The following ERC1 variants were observed in gnomAD, a reference collection of about 807,000 sequenced individuals.
The protein encoded by ERC1 is ELKS/RAB6-interacting/CAST family member 1.
ERC1 carries 56 observed loss-of-function variants against 132.0 expected under a neutral mutation model. The observed-to-expected ratio is 0.42, with a 90% CI of 0.34 to 0.53. ERC1 has a LOEUF of 0.53. ERC1 is among the 20% of genes least tolerant of loss of function. The pLI, the probability that ERC1 is intolerant of heterozygous loss-of-function variation, is 0.03. For synonymous variants in ERC1, 478 were observed against 476.1 expected (o/e 1.00, Z -0.05); for missense variants, 1,202 against 1,349.9 (o/e 0.89, Z 1.72).
chr12:1,356,851 G>A lies in ERC1; in HGVS notation c.2781-14982G>A, dbSNP rs775989860. 6.6e-4 allele frequency among the ~76,000 whole-genome samples: 101 copies of A among 152,150 alleles called. 1 individual carries two copies. Among genetic ancestry groups the A allele is most frequent in the African/African-American group, 2.3e-3 (97 of 41,436 alleles). On this transcript the variant is annotated intron_variant, in intron 15 of 18. Coordinates refer to ENST00000360905, the MANE Select transcript of ERC1 (RefSeq NM_178040.4). ...AGGTGTCTCATTCCAAACCTGTGTA[G>A]GAGAAAAGGGACTCTTATAGTTTTT... is the stretch of plus-strand genomic sequence containing the variant.
chr12:1,242,378 T>A (rs1195862983), intron 13 of ERC1, among the ~76,000 whole-genome samples: 16 of 152,188 alleles, frequency 1.1e-4, no homozygotes, highest in Non-Finnish European at 1.5e-5. Context: ...TTCCTATTTA[T>A]GTTTATTATT....
chr12:1,015,431 T>C (rs2154141650), intron 1 of ERC1, among the ~76,000 whole-genome samples: 1 of 152,302 alleles, frequency 6.6e-6, no homozygotes, highest in South Asian at 2.1e-4. Flanking sequence ...GCATTGTCTT[T>C]TGTAGTTGAG....
rs544969984 is a variant in ERC1 at position 1,041,948 on chromosome 12, C to T, written c.669+13376C>T. The stretch of plus-strand genomic sequence containing the variant: ...ATTTTTAGTAGAGACGGGGTGTTGC[C>T]ATGGTGGCCAGGCTGGTCTCAATCT... On this transcript the variant is annotated intron_variant, in intron 2 of 18. Transcript: ENST00000360905. 1.2e-4 allele frequency among the ~76,000 whole-genome samples: 18 copies of T among 152,298 alleles called. No individual in the cohort carries two copies. The East Asian group carries it at 3.3e-3, about 28-fold the overall frequency.
chr12:1,483,840 A>G (rs1239871924), intron 18 of ERC1, among the ~76,000 whole-genome samples: 2 of 151,590 alleles, frequency 1.3e-5, no homozygotes, highest in Non-Finnish European at 2.9e-5. Flanking sequence ...ACAGGCACTC[A>G]CCACCACATG....
At chr12:1,381,007 G>C (rs1484987191) in intron 16 of ERC1, 2 of 152,238 alleles carry the variant, frequency 1.3e-5, no homozygotes, top group African/African-American at 4.8e-5. Flanking sequence ...GCCTCAGAGA[G>C]CATTTATGTA....
intron 12 of ERC1, among the ~76,000 whole-genome samples, chr12:1,225,366 A>G (rs183761911): frequency 1.9e-3 from 292 of 151,696 alleles, no homozygotes; most frequent in Middle Eastern, 6.8e-3. Context: ...AGGAGGATCA[A>G]TTGAGCCCAG....
chr12:1,474,994 T>G (rs2093941861), intron 18 of ERC1, among the ~76,000 whole-genome samples: 2 of 152,214 alleles, frequency 1.3e-5, no homozygotes, highest in Non-Finnish European at 2.9e-5. Flanking sequence ...AGAAATCATA[T>G]TACTACTCTG....
intron 14 of ERC1, among the ~76,000 whole-genome samples, chr12:1,271,572 T>G (rs1031153374): frequency 6.6e-6 from 1 of 152,234 alleles, no homozygotes; most frequent in African/African-American, 2.4e-5. Flanking sequence ...GATTTAGAGA[T>G]GAGTTCTCGA....
intron 1 of ERC1, among the ~76,000 whole-genome samples, chr12:1,020,994 C>T (rs749224219): frequency 1.3e-5 from 2 of 152,190 alleles, no homozygotes; most frequent in African/African-American, 2.4e-5. Flanking sequence ...GGCAGGAGTG[C>T]AGTGGCGCAG....
chr12:1,332,541 T>C (rs920826966), intron 15 of ERC1, among the ~76,000 whole-genome samples: 2 of 152,362 alleles, frequency 1.3e-5, no homozygotes, highest in South Asian at 2.1e-4. Flanking sequence ...TTTGCTTCCC[T>C]GCTAGGCCTC....
chr12:1,488,159 A>AGAAAAG (rs1565540690), intron 18 of ERC1, among the ~76,000 whole-genome samples: 6 of 151,134 alleles, frequency 4.0e-5, no homozygotes, highest in African/African-American at 1.5e-4. Context: ...AAAAAAAAAA[A>AGAAAAG]AAAGATAGAT....
chr12:1,264,944 T>TA (rs1436617993), intron 14 of ERC1, among the ~76,000 whole-genome samples: 3 of 152,110 alleles, frequency 2.0e-5, no homozygotes, highest in Non-Finnish European at 2.9e-5. Context: ...GATAGAAAGA[T>TA]ATGGTTTCTT....
In ERC1 at chr12:1,317,168, G is replaced by GA. The variant is rs139637325; in HGVS notation, c.2780+27171dup. 4.2e-3 allele frequency among the ~76,000 whole-genome samples: 450 copies of GA among 107,598 alleles called. 4 individuals are homozygous for GA. Among genetic ancestry groups the GA allele is most frequent in the East Asian group, 9.4e-3 (30 of 3,188 alleles). 70.6% of individuals were successfully genotyped at this position (107,598 alleles called of 152,430 possible). On this transcript the variant is annotated intron_variant, in intron 15 of 18. Coordinates refer to ENST00000360905, the MANE Select transcript of ERC1 (RefSeq NM_178040.4). The stretch of plus-strand genomic sequence containing the variant: ...AAGAGAGAAACTCTGTCTCAAAAAC[G>GA]AAAAAAAAAAAAAAAGAAAATGTGT...
intron 2 of ERC1, among the ~76,000 whole-genome samples, chr12:1,041,209 CT>C (rs35597759): frequency 0.42 from 58,992 of 142,102 alleles, 14,321 homozygotes; most frequent in East Asian, 0.76. Context: ...GTCTCTCTTT[CT>C]TTTTTTTTTT....
intron 8 of ERC1, among the ~76,000 whole-genome samples, chr12:1,162,575 C>G (rs1374788186): frequency 2.0e-5 from 3 of 149,976 alleles, no homozygotes; most frequent in Non-Finnish European, 4.4e-5. Flanking sequence ...TTTGTATGTT[C>G]CGTTTGTTTT....
intron 2 of ERC1, among the ~76,000 whole-genome samples, chr12:1,039,337 C>CAAAAAAAAAAAAAAAAAAAA (rs573363202): frequency 1.8e-5 from 2 of 113,112 alleles, no homozygotes; most frequent in Non-Finnish European, 1.9e-5. Flanking sequence ...GACGTTGTCT[C>CAAAAAAAAAAAAAAAAAAAA]AAAAAAAAAA....
intron 14 of ERC1, among the ~76,000 whole-genome samples, chr12:1,271,906 A>T (rs192926520): frequency 1.5e-4 from 23 of 152,328 alleles, no homozygotes; most frequent in Admixed American, 1.2e-3. Flanking sequence ...CAAAGCTGAA[A>T]GTAGGCTTAC....
intron 18 of ERC1, among the ~76,000 whole-genome samples, chr12:1,475,461 G>T (rs1427864869): frequency 6.6e-6 from 1 of 152,188 alleles, no homozygotes; most frequent in Non-Finnish European, 1.5e-5. Flanking sequence ...GAATACTGTA[G>T]CAGTTTACAC....
chr12:1,369,192 T>C (rs190555837), intron 15 of ERC1, among the ~76,000 whole-genome samples: 8 of 152,312 alleles, frequency 5.3e-5, no homozygotes, highest in Non-Finnish European at 5.9e-5. Context: ...ACTTTGAAAT[T>C]AGAAATCTAA....
Sources: gnomAD v4.1 joint callset for allele counts (sites outside exome capture counted in the v4.1 genomes callset) on GRCh38, gnomAD v4.1.1 for gene constraint, MANE v1.5 for transcripts, NCBI Gene and HGNC (gene_info 2026-07-23, HGNC 2026-07-21) for gene names.